WDR70: variants seen among roughly 807,000 people sequenced by gnomAD.
WDR70 encodes WD repeat domain 70.
A neutral mutation model predicts 88.6 loss-of-function variants in WDR70; 53 were observed. The ratio of observed to expected loss-of-function variants is 0.60; its 90% CI spans 0.48 to 0.75. WDR70 has a LOEUF of 0.75. WDR70 is among the 30% of genes least tolerant of loss of function. The pLI is 0.00. For missense variants in WDR70, 610 were observed against 823.2 expected (o/e 0.74, Z 3.17); for synonymous variants, 280 against 270.0 (o/e 1.04, Z -0.36).
chr5:37,472,860 C>T (rs11951184), intron 7 of WDR70, among the ~76,000 whole-genome samples: 2,159 of 152,106 alleles, frequency 0.014, 29 homozygotes, highest in Middle Eastern at 0.024. Context: ...CTGCTTTGAA[C>T]GTTTTTGTAT....
At chr5:37,493,831 CT>C (rs34976552) in intron 8 of WDR70, among the ~76,000 whole-genome samples, 63,013 of 140,656 alleles carry the variant, frequency 0.45, 14,129 homozygotes, top group Admixed American at 0.54. Context: ...GGAAGGAATA[CT>C]TTTTTTTTTT....
chr5:37,412,444 A>G (rs1472025841), intron 5 of WDR70, among the ~76,000 whole-genome samples: 1 of 152,018 alleles, frequency 6.6e-6, no homozygotes, highest in African/African-American at 2.4e-5. Context: ...CTTGTTCATG[A>G]TTCTAATTTT....
chr5:37,379,512 C>G lies in WDR70; in HGVS notation c.49C>G (p.Pro17Ala). The G allele has an allele frequency of 6.2e-7, 1 of 1,614,008 alleles. No individual in the cohort carries two copies. The highest frequency in any genetic ancestry group is 8.5e-7 in the Non-Finnish European group (1 of 1,179,878). ...AGTGACAGGCTCAGACGCGTCGGGACCGGACCCGCAGCTTGCGGTCACCAT... is the reference window on the plus strand; with the variant it reads ...AGTGACAGGCTCAGACGCGTCGGGAGCGGACCCGCAGCTTGCGGTCACCAT... The part of the protein sequence containing the change: ...SEVTGSDASG[P>A]DPQLAVTMGF... Residue 17 changes from proline (P) to alanine (A), a missense_variant, in exon 2 of 18, where the codon CCG (proline) becomes GCG (alanine). By Grantham distance (27) the Pro-to-Ala change is conservative. This residue lies in a region of WDR70 where 203 missense variants were observed against 228.1 expected (regional missense o/e 0.89). Transcript: ENST00000265107.
intron 9 of WDR70, among the ~76,000 whole-genome samples, chr5:37,594,757 A>C (rs1477374030): frequency 2.0e-5 from 3 of 152,148 alleles, no homozygotes; most frequent in East Asian, 1.9e-4. Context: ...AATGTTGATT[A>C]TTCCTATCCA....
At chr5:37,449,899 C>T (rs1738623796) in intron 7 of WDR70, among the ~76,000 whole-genome samples, 1 of 152,228 alleles carries the variant, frequency 6.6e-6, no homozygotes, top group East Asian at 1.9e-4. Context: ...CCTCCCATAG[C>T]CCCGCACCCC....
chr5:37,731,512 A>G (rs990648281), intron 17 of WDR70, among the ~76,000 whole-genome samples: 3 of 152,164 alleles, frequency 2.0e-5, no homozygotes, highest in African/African-American at 7.2e-5. Context: ...ATGTCAACAC[A>G]TCATTGGCAG....
At chr5:37,744,342 GA>G (rs35758405) in intron 17 of WDR70, among the ~76,000 whole-genome samples, 73,399 of 151,842 alleles carry the variant, frequency 0.48, 20,446 homozygotes, top group Non-Finnish European at 0.62. Context: ...AAAAAATGCT[GA>G]AAACCCACAA....
chr5:37,707,952 T>A (rs1356988183), intron 13 of WDR70, among the ~76,000 whole-genome samples: 738 of 19,240 alleles, frequency 0.038, 43 homozygotes, highest in Admixed American at 0.065. Flanking sequence ...AAAAAAAATA[T>A]ATATATATAT....
chr5:37,380,035 A>G (rs531809219), intron 2 of WDR70, among the ~76,000 whole-genome samples: 64 of 152,320 alleles, frequency 4.2e-4, no homozygotes, highest in Non-Finnish European at 5.9e-4. Flanking sequence ...TAAGAATGCC[A>G]TTTTTACCAT....
At chr5:37,560,236 G>T (rs1472665697) in intron 9 of WDR70, among the ~76,000 whole-genome samples, 1 of 152,094 alleles carries the variant, frequency 6.6e-6, no homozygotes, top group Non-Finnish European at 1.5e-5. Context: ...TGCTAATGTT[G>T]TATTGTTTGG....
At chr5:37,697,299 T>C (rs1385924513) in intron 10 of WDR70, among the ~76,000 whole-genome samples, 1 of 152,214 alleles carries the variant, frequency 6.6e-6, no homozygotes, top group Non-Finnish European at 1.5e-5. Flanking sequence ...TGATTTATAT[T>C]TGCTCTTTCA....
chr5:37,686,286 A>G (rs541481045), intron 10 of WDR70, among the ~76,000 whole-genome samples: 35 of 151,918 alleles, frequency 2.3e-4, no homozygotes, highest in African/African-American at 8.5e-4. Context: ...CTGCACTCCA[A>G]CCTGGGTGAC....
intron 8 of WDR70, among the ~76,000 whole-genome samples, chr5:37,487,591 G>GTGTATA (rs1464435902): frequency 4.8e-5 from 5 of 103,142 alleles, no homozygotes; most frequent in African/African-American, 1.7e-4. Flanking sequence ...ATATGGGTAT[G>GTGTATA]TATATATAAA....
At chr5:37,536,330 A>G (rs1741666784) in intron 9 of WDR70, among the ~76,000 whole-genome samples, 1 of 152,170 alleles carries the variant, frequency 6.6e-6, no homozygotes, top group Non-Finnish European at 1.5e-5. Context: ...CTTTTGTTTT[A>G]AAATATTTTT....
At chr5:37,486,540 T>C (rs1201181839) in intron 8 of WDR70, among the ~76,000 whole-genome samples, 1 of 152,022 alleles carries the variant, frequency 6.6e-6, no homozygotes. Flanking sequence ...ACACGGGGTT[T>C]CGCCAGGTTG....
intron 10 of WDR70, among the ~76,000 whole-genome samples, chr5:37,673,396 C>G (rs1746088250): frequency 6.6e-6 from 1 of 152,126 alleles, no homozygotes; most frequent in Non-Finnish European, 1.5e-5. Context: ...AGAACCATGT[C>G]TATTCCTTTG....
chr5:37,592,830 T>C (rs759461485), intron 9 of WDR70, among the ~76,000 whole-genome samples: 10 of 152,250 alleles, frequency 6.6e-5, no homozygotes, highest in Non-Finnish European at 1.3e-4. Flanking sequence ...AATAAAATTG[T>C]GTCTATTAAA....
intron 11 of WDR70, among the ~76,000 whole-genome samples, chr5:37,699,398 TATATAC>T (rs1423524259): frequency 3.2e-4 from 24 of 74,134 alleles, no homozygotes; most frequent in South Asian, 8.7e-4. Context: ...TGTGTATATA[TATATAC>T]ACACACACAC....
intron 9 of WDR70, among the ~76,000 whole-genome samples, chr5:37,567,317 A>G (rs1374625273): frequency 1.3e-5 from 2 of 152,198 alleles, no homozygotes; most frequent in Admixed American, 1.3e-4. Flanking sequence ...AGATTTTATA[A>G]TAGCTCTCAG....
Sources: allele counts gnomAD v4.1 joint callset (sites outside exome capture counted in the v4.1 genomes callset), GRCh38; gene constraint gnomAD v4.1.1; regional missense constraint gnomAD v4.1.1; transcripts MANE v1.5; gene names NCBI Gene and HGNC (gene_info 2026-07-23, HGNC 2026-07-21).